HEATR4: variants seen among roughly 807,000 people sequenced by gnomAD.
HEATR4 encodes the protein HEAT repeat-containing protein 4.
A neutral mutation model predicts 108.8 loss-of-function variants in HEATR4; 95 were observed. The ratio of observed to expected loss-of-function variants is 0.87; its 90% CI spans 0.74 to 1.04. The LOEUF (loss-of-function observed/expected upper bound fraction) is 1.04, where lower values mean the gene tolerates loss of function less well. Ranked by LOEUF, HEATR4 falls within the 50% of genes least tolerant of loss-of-function variation. The pLI, the probability that HEATR4 is intolerant of heterozygous loss-of-function variation, is 0.00. For missense variants in HEATR4, 1,152 were observed against 1,253.8 expected (o/e 0.92, Z 1.23); for synonymous variants, 443 against 459.4 (o/e 0.96, Z 0.46).
chr14:73,529,541 A>G (rs374739981), intron 2 of HEATR4, among the ~76,000 whole-genome samples: 6 of 151,784 alleles, frequency 4.0e-5, no homozygotes, highest in Middle Eastern at 3.4e-3. Flanking sequence ...ATCCCCAACT[A>G]GAAAATGTAG....
At chr14:73,517,010 C>G (rs536137036) in intron 5 of HEATR4, among the ~76,000 whole-genome samples, 1 of 152,320 alleles carries the variant, frequency 6.6e-6, no homozygotes, top group South Asian at 2.1e-4. Flanking sequence ...GGTACAGTGG[C>G]TCATGCCTAT....
chr14:73,499,205 G>A (rs887700828), intron 12 of HEATR4, 65 bp from the exon 13 acceptor site: 186 of 1,355,484 alleles, frequency 1.4e-4, no homozygotes, highest in Non-Finnish European at 1.8e-4. Context: ...AAACAGCTGG[G>A]TGCGGTGGTG....
rs1243719034 is a variant in HEATR4 at position 73,544,490 on chromosome 14, C to T, written c.-151-14246G>A. Among the ~76,000 whole-genome samples the T allele has an allele frequency of 1.7e-5, 2 of 115,118 alleles. 1 individual carries two copies. The highest frequency in any genetic ancestry group is 3.8e-5 in the Non-Finnish European group (2 of 52,894). The allele number at this position is 115,118 out of a possible 152,430, so 75.5% of individuals were successfully genotyped here. A position where few individuals can be genotyped will look rare whatever the true frequency, so the allele number is the denominator to read the frequency against. On this transcript the variant is annotated intron_variant, in intron 1 of 17. Coordinates refer to ENST00000553558, the MANE Select transcript of HEATR4 (RefSeq NM_001220484.1). ...TACATATTTAGTTCTTTGATATCTTCTCCTTGGATTAATAAGGATTCTCCT... is the reference window on the plus strand; with the variant it reads ...TACATATTTAGTTCTTTGATATCTTTTCCTTGGATTAATAAGGATTCTCCT...
At position 73,550,005 on chromosome 14, in the gene HEATR4, C is replaced by T. The variant is rs913191300; in HGVS notation, c.-152+8746G>A. ...AAGGGAGGGGCGAAATGGAAATCAG[C>T]CCAGCTTGCAGCACACACAGCATTG... On this transcript the variant is annotated intron_variant, in intron 1 of 17. Transcript: ENST00000553558. Among the ~76,000 whole-genome samples the T allele has an allele frequency of 1.8e-4, 17 of 97,004 alleles. 3 individuals carry two copies. The Admixed American group carries it at 2.0e-3, about 11-fold the overall frequency. The allele number at this position is 97,004 out of a possible 152,430, so 63.6% of individuals were successfully genotyped here.
chr14:73,499,406 G>A (rs34842670), intron 12 of HEATR4, among the ~76,000 whole-genome samples: 27,331 of 152,076 alleles, frequency 0.18, 3,146 homozygotes, highest in South Asian at 0.25. Flanking sequence ...CTTGGACCTG[G>A]GAGGCGGAGG....
chr14:73,574,834 A>C, the HEATR4 span: 1 of 1,607,206 alleles, frequency 6.2e-7, no homozygotes, highest in East Asian at 2.2e-5. Flanking sequence ...ACTAACTTCC[A>C]GGGTGGACAC....
chr14:73,527,110 T>G (rs1201805790), intron 2 of HEATR4: 1 of 152,204 alleles, frequency 6.6e-6, no homozygotes, highest in East Asian at 1.9e-4. Flanking sequence ...ATACATCAGC[T>G]GCAGAGACCG....
At chr14:73,485,549 TACATCAC>T (rs1436604801) in intron 17 of HEATR4, among the ~76,000 whole-genome samples, 1 of 152,056 alleles carries the variant, frequency 6.6e-6, no homozygotes, top group Admixed American at 6.6e-5. Context: ...ACCACAGGTG[TACATCAC>T]CATGCCTGGC....
In HEATR4 at chr14:73,522,988, G is replaced by T. The variant is rs1335759772; in HGVS notation, c.165C>A (p.Tyr55Ter). ...AATATTGGCTCTTGCGGTGTAGACG[G>T]TACTGTGAGCTGAAGAAGACCATAG... ...SVPMVFFSSQ[Y>*]RLHRKSQYLK... is the part of the protein sequence containing the mutation. Residue 55 changes from tyrosine (Y) to a stop codon, truncating the protein, a stop_gained, in exon 3 of 18, where the codon TAC becomes TAA. Transcript: ENST00000553558. LOFTEE classifies it high-confidence loss of function. 6.2e-7 allele frequency: 1 copy of T among 1,614,108 alleles called. No individual in the cohort carries two copies. Among genetic ancestry groups the T allele is most frequent in the Non-Finnish European group, 8.5e-7 (1 of 1,180,014 alleles).
At chr14:73,511,552 TAAATAAATAAATA>T (rs202009672) in intron 7 of HEATR4, among the ~76,000 whole-genome samples, 5,683 of 128,388 alleles carry the variant, frequency 0.044, 294 homozygotes, top group East Asian at 0.24. Flanking sequence ...AATAAATAAA[TAAATAAATAAATA>T]AAATAAAATA....
At position 73,541,023 on chromosome 14, in the gene HEATR4, T is replaced by A. The variant is rs1463536204; in HGVS notation, c.-151-10779A>T. Among the ~76,000 whole-genome samples, 3 of 115,254 alleles carry A rather than the reference T, an allele frequency of 2.6e-5. 1 individual carries two copies. Among genetic ancestry groups the A allele is most frequent in the Non-Finnish European group, 5.7e-5 (3 of 52,996 alleles). 75.6% of individuals were successfully genotyped at this position (115,254 alleles called of 152,430 possible). A position where few individuals can be genotyped will look rare whatever the true frequency, so the allele number is the denominator to read the frequency against. On this transcript the variant is annotated intron_variant, in intron 1 of 17. Transcript: ENST00000553558. The stretch of plus-strand genomic sequence containing the variant: ...TCCCAAAGTGCTGGGATTACAGGCG[T>A]GAGCCACCAGACCCAGCCTGCATTA...
Position 73,558,937 on chromosome 14 carries a change from T to C in HEATR4, c.-338A>G, listed in dbSNP as rs1176575387. 6.6e-6 allele frequency: 1 copy of C among 151,744 alleles called. No individual in the cohort carries two copies. The highest frequency in any genetic ancestry group is 6.6e-5 in the Admixed American group (1 of 15,190). The allele number at this position is 151,744 out of a possible 1,614,324, so 9.4% of individuals were successfully genotyped here. A position where few individuals can be genotyped will look rare whatever the true frequency, so the allele number is the denominator to read the frequency against. ...TCTGCATCTTAAGCCTTCCTTGGTT[T>C]CTTAGGTTCCAAAGCTGTTTCTATC... On this transcript the variant is annotated 5_prime_UTR_variant, in exon 1 of 18. Transcript: ENST00000553558.
chr14:73,622,439 G>A, the HEATR4 span, among the ~76,000 whole-genome samples: 1 of 152,160 alleles, frequency 6.6e-6, no homozygotes, highest in East Asian at 1.9e-4. Context: ...TTTCGCTCTT[G>A]TTGCCCAGCC....
At chr14:73,589,760 G>A in the HEATR4 span, among the ~76,000 whole-genome samples, 2 of 152,222 alleles carry the variant, frequency 1.3e-5, no homozygotes, top group Admixed American at 1.3e-4. Context: ...ACAGACCCTC[G>A]CGGAGATGTT....
intron 11 of HEATR4, among the ~76,000 whole-genome samples, chr14:73,502,046 ATTTT>A (rs777992104): frequency 7.5e-6 from 1 of 133,942 alleles, no homozygotes. Context: ...CGCCCGGCCA[ATTTT>A]TTTTTTTTTT....
the HEATR4 span, among the ~76,000 whole-genome samples, chr14:73,588,111 C>T: frequency 6.6e-6 from 1 of 152,012 alleles, no homozygotes; most frequent in South Asian, 2.1e-4. Flanking sequence ...AAGCGATTCT[C>T]CTGCCTCAGC....
the HEATR4 span, chr14:73,612,800 CCCATGGGGCTGCTGT>C: frequency 7.2e-7 from 1 of 1,396,490 alleles, no homozygotes; most frequent in Non-Finnish European, 9.3e-7. Flanking sequence ...GGGGCTCCAG[CCCATGGGGCTGCTGT>C]GGGCGTTGGA....
the HEATR4 span, chr14:73,581,283 A>G: frequency 6.6e-6 from 1 of 152,046 alleles, no homozygotes; most frequent in Non-Finnish European, 1.5e-5. Context: ...GCACCCACAG[A>G]TCTGGTGTCT....
chr14:73,523,602 T>C (rs954615428), intron 2 of HEATR4, among the ~76,000 whole-genome samples: 4 of 152,242 alleles, frequency 2.6e-5, no homozygotes, highest in Admixed American at 1.3e-4. Flanking sequence ...CCTCAGTTTA[T>C]GACTTTGTCC....
Sources: allele counts gnomAD v4.1 joint callset (sites outside exome capture counted in the v4.1 genomes callset), GRCh38; gene constraint gnomAD v4.1.1; transcripts MANE v1.5; gene names NCBI Gene and HGNC (gene_info 2026-07-23, HGNC 2026-07-21).